Variants in LTN1 observed in about 807,000 individuals in gnomAD.
The protein encoded by LTN1 is E3 ubiquitin-protein ligase listerin.
Under a neutral mutation model 201.2 loss-of-function variants are expected in LTN1, and 88 were observed. The observed-to-expected ratio is 0.44, with a 90% CI of 0.37 to 0.52. The LOEUF (loss-of-function observed/expected upper bound fraction) is 0.52, where lower values mean the gene tolerates loss of function less well. LTN1 is among the 20% of genes least tolerant of loss of function. LTN1 has a pLI of 0.00. For missense variants in LTN1, 1,752 were observed against 2,038.7 expected (o/e 0.86, Z 2.71); for synonymous variants, 645 against 713.5 (o/e 0.90, Z 1.53).
Position 28,958,907 on chromosome 21 carries a change from A to G in LTN1, c.2594-368T>C, listed in dbSNP as rs1046444154. On this transcript the variant is annotated intron_variant, in intron 13 of 29. Transcript: ENST00000361371. ...GGTAGCCAATGATGGGCAGAAAAAAAAGAGAGAGAGAAAGAGGAAGGAAGA... is the reference window on the plus strand; with the variant it reads ...GGTAGCCAATGATGGGCAGAAAAAAGAGAGAGAGAGAAAGAGGAAGGAAGA... 5.9e-5 allele frequency among the ~76,000 whole-genome samples: 9 copies of G among 152,236 alleles called. No homozygotes were observed. In the East Asian group the frequency reaches 1.2e-3, roughly 20 times the overall value.
Position 28,956,580 on chromosome 21 carries a change from C to T in LTN1, c.3079+182G>A, listed in dbSNP as rs115708841. On this transcript the variant is annotated intron_variant, in intron 16 of 29. Coordinates refer to ENST00000361371, the MANE Select transcript of LTN1 (RefSeq NM_015565.3). ...GATTATAGCAAGATTCCAATATATT[C>T]GTATCTAATTTGCAATTTCACATTC... 4.8e-3 allele frequency among the ~76,000 whole-genome samples: 728 copies of T among 152,210 alleles called. 3 individuals carry two copies. The highest frequency in any genetic ancestry group is 0.017 in the African/African-American group (703 of 41,514).
chr21:28,945,093 G>A (rs1224950393), intron 21 of LTN1, among the ~76,000 whole-genome samples: 1 of 152,078 alleles, frequency 6.6e-6, no homozygotes, highest in African/African-American at 2.4e-5. Context: ...ATGCTGGTGG[G>A]CATCTGTAAT....
chr21:28,942,199 T>A (rs2084302594), intron 24 of LTN1, among the ~76,000 whole-genome samples: 1 of 152,142 alleles, frequency 6.6e-6, no homozygotes, highest in African/African-American at 2.4e-5. Context: ...AACACCTCCA[T>A]CTCATGTACC....
intron 12 of LTN1, 111 bp from the exon 13 acceptor site, chr21:28,959,808 A>T: frequency 1.1e-6 from 1 of 924,450 alleles, no homozygotes; most frequent in Non-Finnish European, 1.6e-6. Context: ...TTTAAAATGT[A>T]TTAGACAAAA....
rs138932915 is a variant in LTN1, at chr21:28,946,181, T to C, written c.3594A>G (p.Lys1198=). ...GILKIIISWK[K]EHEDIFLFSC... ...TGAAAAGAAAAATATCTTCATGCTC[T>C]TTCTTCCAGGATATTATGATTTTTA... Residue 1198 remains lysine, a synonymous_variant, in exon 20 of 30, where the codon AAA becomes AAG. Coordinates refer to ENST00000361371, the MANE Select transcript of LTN1 (RefSeq NM_015565.3). The C allele has an allele frequency of 4.4e-6, 7 of 1,585,654 alleles. No homozygotes were observed. The African/African-American group carries it at 6.8e-5, about 15-fold the overall frequency.
Position 28,981,192 on chromosome 21 carries a change from G to A in LTN1, c.737C>T (p.Ser246Phe), listed in dbSNP as rs777898811. The part of the protein sequence containing the change: ...LCLLPDNELD[S>F]LEEKFKSLLS... ...AAGAGACTTAAATTTCTCCTCCAGA[G>A]AATCAAGCTCATTATCAGGTAAAAG... Residue 246 changes from serine (S) to phenylalanine (F), a missense_variant, in exon 6 of 30, where the codon TCT becomes TTT. Physicochemically the swap from Ser to Phe is radical, Grantham distance 155. Coordinates refer to ENST00000361371, the MANE Select transcript of LTN1 (RefSeq NM_015565.3). 2 of 1,599,300 alleles carry A rather than the reference G, an allele frequency of 1.3e-6. No homozygotes were observed. The highest frequency in any genetic ancestry group is 1.1e-5 in the South Asian group (1 of 87,890).
At chr21:28,952,111 T>C (rs752166356) in intron 18 of LTN1, 49 bp downstream of exon 18, 10 of 1,112,516 alleles carry the variant, frequency 9.0e-6, no homozygotes, top group Non-Finnish European at 1.1e-5. Flanking sequence ...GTTGCCAAAG[T>C]GACCGATTAC....
chr21:28,979,607 C>T (rs2776249), intron 6 of LTN1, among the ~76,000 whole-genome samples: 26,025 of 152,064 alleles, frequency 0.17, 2,988 homozygotes, highest in African/African-American at 0.33. Context: ...TACAGTCAAT[C>T]CTCACAAATC....
chr21:28,952,368 C>T (rs896727544), intron 17 of LTN1, 104 bp from the exon 18 acceptor site: 3 of 625,706 alleles, frequency 4.8e-6, no homozygotes, highest in African/African-American at 3.7e-5. Flanking sequence ...AAATAAAGCA[C>T]CTTGTGATGG....
In LTN1 at chr21:28,992,855, C is replaced by G; in HGVS notation, c.-50G>C. 1.2e-6 allele frequency: 2 copies of G among 1,614,004 alleles called. No individual in the cohort carries two copies. Among genetic ancestry groups the G allele is most frequent in the Non-Finnish European group, 1.7e-6 (2 of 1,179,966 alleles). Reference sequence around the variant, plus strand: ...AGCACTCAGACCCCGGTTGACACGTCCGGGACACAACTTCCGGCTTCTGGC... The same window carrying G: ...AGCACTCAGACCCCGGTTGACACGTGCGGGACACAACTTCCGGCTTCTGGC... On this transcript the variant is annotated 5_prime_UTR_variant, in exon 1 of 30. Coordinates refer to ENST00000361371, the MANE Select transcript of LTN1 (RefSeq NM_015565.3).
chr21:28,959,701 G>C lies in LTN1; in HGVS notation c.2354-4C>G, dbSNP rs1319797885. ...TATACGTCTCCAATCAAGTAATCTGGAGAAAAAAAGGTTCAAACAGACAAA... is the reference window on the plus strand; with the variant it reads ...TATACGTCTCCAATCAAGTAATCTGCAGAAAAAAAGGTTCAAACAGACAAA... On this transcript the variant is annotated splice_region_variant and splice_polypyrimidine_tract_variant and intron_variant, in intron 12 of 29. Coordinates refer to ENST00000361371, the MANE Select transcript of LTN1 (RefSeq NM_015565.3). The C allele has an allele frequency of 1.3e-6, 2 of 1,582,780 alleles. No homozygotes were observed. The highest frequency in any genetic ancestry group is 2.7e-5 in the African/African-American group (2 of 73,044).
Position 28,931,337 on chromosome 21 carries a change from A to G in LTN1, c.5071-15T>C. On this transcript the variant is annotated splice_polypyrimidine_tract_variant and intron_variant, in intron 28 of 29. Coordinates refer to ENST00000361371, the MANE Select transcript of LTN1 (RefSeq NM_015565.3). Reference sequence around the variant, plus strand: ...ATACTTCCATTCTGTTAACAAGAAGAAAAATAAGTCACTACACACTGATAA... The same window carrying G: ...ATACTTCCATTCTGTTAACAAGAAGGAAAATAAGTCACTACACACTGATAA... 2 of 1,541,590 alleles carry G rather than the reference A, an allele frequency of 1.3e-6. No individual in the cohort carries two copies. Among genetic ancestry groups the G allele is most frequent in the Non-Finnish European group, 1.8e-6 (2 of 1,133,834 alleles).
intron 18 of LTN1, among the ~76,000 whole-genome samples, chr21:28,950,495 A>G (rs190122353): frequency 2.6e-5 from 4 of 152,242 alleles, no homozygotes; most frequent in African/African-American, 9.6e-5. Flanking sequence ...TACATACAGT[A>G]TGATTCCATT....
At position 28,944,466 on chromosome 21, in the gene LTN1, G is replaced by A. The variant is rs753105118; in HGVS notation, c.3899C>T (p.Pro1300Leu). ...TTTCCATTCACTGATTAGATTTACAGGAAGATTGCCAATGGTATCCAGAGT... is the reference window on the plus strand; with the variant it reads ...TTTCCATTCACTGATTAGATTTACAAGAAGATTGCCAATGGTATCCAGAGT... ...STTLDTIGNL[P>L]VNLISEWKEF... The change falls in exon 22 of 30, where the codon CCT becomes CTT. Residue 1300 changes from proline to leucine, a missense_variant. By Grantham distance (98) the Pro-to-Leu change is moderately conservative. Around this residue, in one of 3 missense-constraint regions of LTN1, gnomAD observed 1,211 missense variants for 1,312.8 expected, o/e 0.92. Coordinates refer to ENST00000361371, the MANE Select transcript of LTN1 (RefSeq NM_015565.3). 1 of 1,613,992 alleles carries A rather than the reference G, an allele frequency of 6.2e-7. No individual in the cohort carries two copies. Among genetic ancestry groups the A allele is most frequent in the Admixed American group, 1.7e-5 (1 of 59,990 alleles).
chr21:28,943,318 T>C lies in LTN1; in HGVS notation c.4239A>G (p.Pro1413=). Residue 1413 remains proline, a synonymous_variant, in exon 24 of 30, where the codon CCA becomes CCG. Coordinates refer to ENST00000361371, the MANE Select transcript of LTN1 (RefSeq NM_015565.3). ...ACTTTAGATTATCCTGATCATACTG[T>C]GGTAATTCAGGCATCAATCTAGAAA... ...HMLYKLMPEL[P]QYDQDNLKSY... The C allele has an allele frequency of 6.3e-7, 1 of 1,594,852 alleles. No individual in the cohort carries two copies. The highest frequency in any genetic ancestry group is 1.3e-5 in the African/African-American group (1 of 74,582).
intron 19 of LTN1, 107 bp downstream of exon 19, chr21:28,947,357 G>T: frequency 1.2e-6 from 1 of 865,434 alleles, no homozygotes; most frequent in Non-Finnish European, 1.7e-6. Flanking sequence ...GAACAAATCA[G>T]CTGTAATTCA....
chr21:28,977,152 T>C (rs1026403739), intron 6 of LTN1, among the ~76,000 whole-genome samples: 1 of 152,072 alleles, frequency 6.6e-6, no homozygotes, highest in Admixed American at 6.6e-5. Context: ...GGCAGGTGGA[T>C]CACCTGAGGT....
intron 1 of LTN1, among the ~76,000 whole-genome samples, chr21:28,988,238 G>A (rs555361159): frequency 4.6e-5 from 7 of 151,894 alleles, no homozygotes; most frequent in African/African-American, 1.2e-4. Context: ...AGGTCAAGGC[G>A]GGTGGATCAC....
intron 6 of LTN1, among the ~76,000 whole-genome samples, chr21:28,978,999 G>A (rs1021913335): frequency 6.6e-5 from 10 of 152,332 alleles, no homozygotes; most frequent in African/African-American, 2.4e-4. Context: ...TTATGTAGTA[G>A]CAGCTGAATG....
Sources: gnomAD v4.1 joint callset for allele counts (sites outside exome capture counted in the v4.1 genomes callset) on GRCh38, gnomAD v4.1.1 for gene constraint, gnomAD v4.1.1 regional missense constraint, MANE v1.5 for transcripts, NCBI Gene and HGNC (gene_info 2026-07-23, HGNC 2026-07-21) for gene names.